The following CASP5 variants were observed in gnomAD, a reference collection of about 807,000 sequenced individuals.
CASP5 encodes caspase-5.
A neutral mutation model predicts 45.2 loss-of-function variants in CASP5; 42 were observed. The ratio of observed to expected loss-of-function variants is 0.93; its 90% confidence interval spans 0.73 to 1.20. CASP5 has a LOEUF of 1.20. Among genes scored for constraint, CASP5 ranks in the 50% most tolerant of loss-of-function variants. The pLI is 0.00. For missense variants in CASP5, 512 were observed against 532.2 expected (o/e 0.96, Z 0.37); for synonymous variants, 209 against 186.2 (o/e 1.12, Z -1.00).
intron 1 of CASP5, among the ~76,000 whole-genome samples, chr11:105,018,610 C>CTG (rs1862764825): frequency 1.4e-5 from 2 of 142,400 alleles, no homozygotes; most frequent in Non-Finnish European, 3.1e-5. Flanking sequence ...GCTAACTATC[C>CTG]TAAATATATA....
At chr11:104,997,891 T>A (rs1240458616) in intron 7 of CASP5, among the ~76,000 whole-genome samples, 1 of 152,172 alleles carries the variant, frequency 6.6e-6, no homozygotes, top group African/African-American at 2.4e-5. Context: ...ACCGTCGGGC[T>A]CCAAGATTGT....
intron 1 of CASP5, among the ~76,000 whole-genome samples, chr11:105,014,452 G>A (rs1036469121): frequency 3.3e-5 from 5 of 152,082 alleles, no homozygotes; most frequent in African/African-American, 9.7e-5. Context: ...TAGATTTTAT[G>A]CTCTGTGAGG....
intron 7 of CASP5, among the ~76,000 whole-genome samples, chr11:104,998,526 G>T (rs890997053): frequency 1.3e-5 from 2 of 152,060 alleles, no homozygotes; most frequent in African/African-American, 4.8e-5. Context: ...AGCCAGTACT[G>T]GGATCCATAA....
At position 105,023,118 on chromosome 11, in the gene CASP5, G is replaced by C. The variant is rs1041324951; in HGVS notation, c.7+12C>G. On this transcript the variant is annotated intron_variant, in intron 1 of 9. Coordinates refer to ENST00000260315, the MANE Select transcript of CASP5 (RefSeq NM_004347.5). The stretch of plus-strand genomic sequence containing the variant: ...GTACCCAGCTGCTAGTCAGAAAAGG[G>C]CCCAGACTCACCAGCCATAGCTAAC... 6.4e-7 allele frequency: 1 copy of C among 1,550,700 alleles called. No homozygotes were observed. Among genetic ancestry groups the C allele is most frequent in the African/African-American group, 1.4e-5 (1 of 72,966 alleles).
Position 105,019,698 on chromosome 11 carries a change from T to C in CASP5, c.7+3432A>G, listed in dbSNP as rs1011991294. On this transcript the variant is annotated intron_variant, in intron 1 of 9. Coordinates refer to ENST00000260315, the MANE Select transcript of CASP5 (RefSeq NM_004347.5). ...CAACTAAAAAGAGTCCAGGACCAGA[T>C]GGATTCACAGCCGAATTCTACCAGA... Among the ~76,000 whole-genome samples, 6 of 144,694 alleles carry C rather than the reference T, an allele frequency of 4.1e-5. 2 individuals carry two copies. The highest frequency in any genetic ancestry group is 1.5e-4 in the Admixed American group (2 of 13,554). 94.9% of individuals were successfully genotyped at this position (144,694 alleles called of 152,430 possible). A position where few individuals can be genotyped will look rare whatever the true frequency, so the allele number is the denominator to read the frequency against.
At chr11:105,008,563 C>T (rs913066593) in intron 2 of CASP5, among the ~76,000 whole-genome samples, 1 of 151,980 alleles carries the variant, frequency 6.6e-6, no homozygotes. Context: ...TACTACAAGC[C>T]TCTACTATTA....
intron 1 of CASP5, among the ~76,000 whole-genome samples, chr11:105,016,755 G>A (rs1463815140): frequency 6.6e-6 from 1 of 152,130 alleles, no homozygotes; most frequent in Non-Finnish European, 1.5e-5. Flanking sequence ...GCCCAGGCTT[G>A]CTTAGGTAAA....
chr11:105,005,737 T>C (rs1403083659), intron 3 of CASP5, among the ~76,000 whole-genome samples: 1 of 152,202 alleles, frequency 6.6e-6, no homozygotes, highest in Non-Finnish European at 1.5e-5. Flanking sequence ...ATATATGATA[T>C]CTGGGATTGC....
intron 1 of CASP5, among the ~76,000 whole-genome samples, chr11:105,009,437 GT>G (rs1033192933): frequency 6.6e-6 from 1 of 151,430 alleles, no homozygotes; most frequent in African/African-American, 2.4e-5. Flanking sequence ...TTGAATTTGT[GT>G]TTTTTAACAC....
rs745571593 is a variant in CASP5 at position 105,007,158 on chromosome 11, G to T, written c.358C>A (p.Arg120=). The change falls in exon 3 of 10, where the codon CGA becomes AGA. Residue 120 remains arginine, a synonymous_variant. Coordinates refer to ENST00000260315, the MANE Select transcript of CASP5 (RefSeq NM_004347.5). Reference sequence around the variant, plus strand: ...ATTTGATGAGCCACGCGATTCTTTCGCAAAGAGTCTACCAAGATCAGGGCC... The same window carrying T: ...ATTTGATGAGCCACGCGATTCTTTCTCAAAGAGTCTACCAAGATCAGGGCC... ...DKALILVDSL[R]KNRVAHQMFT... The T allele has an allele frequency of 1.9e-6, 3 of 1,613,476 alleles. No homozygotes were observed. The highest frequency in any genetic ancestry group is 1.7e-5 in the Admixed American group (1 of 59,972).
At chr11:105,000,151 T>C in intron 6 of CASP5, 110 bp downstream of exon 6, 2 of 1,136,180 alleles carry the variant, frequency 1.8e-6, no homozygotes, top group South Asian at 2.7e-5. Context: ...TTCAATGTAC[T>C]TTATTTGCAC....
intron 3 of CASP5, 40 bp downstream of exon 3, chr11:105,007,043 G>T (rs748822599): frequency 1.3e-6 from 2 of 1,557,718 alleles, no homozygotes; most frequent in South Asian, 1.2e-5. Context: ...AATATATTCT[G>T]GAAAATTTAA....
chr11:105,020,826 AC>A (rs1215603775), intron 1 of CASP5, among the ~76,000 whole-genome samples: 6 of 152,094 alleles, frequency 3.9e-5, no homozygotes, highest in Admixed American at 3.3e-4. Flanking sequence ...TTCATATGGA[AC>A]CAAAAAAGAG....
In CASP5 at chr11:104,995,824, C is replaced by A. The variant is rs781292126; in HGVS notation, c.1225G>T (p.Val409Phe). 1 of 1,611,078 alleles carries A rather than the reference C, an allele frequency of 6.2e-7. No individual in the cohort carries two copies. Among genetic ancestry groups the A allele is most frequent in the South Asian group, 1.1e-5 (1 of 90,868 alleles). The change falls in exon 9 of 10, where the codon GTT (valine) becomes TTT (phenylalanine). Residue 409 changes from valine (V) to phenylalanine (F), a missense_variant. By Grantham distance (50) the Val-to-Phe change is conservative (BLOSUM62 -1). Coordinates refer to ENST00000260315, the MANE Select transcript of CASP5 (RefSeq NM_004347.5). Reference protein sequence around the residue: ...IFRKVQKSFEVPQAKAQMPTI... With the variant: ...IFRKVQKSFEFPQAKAQMPTI... ...GGCATCTGGGCTTTAGCCTGTGGAA[C>A]TTCAAATGATTTCTGTACCTAAAAG...
At chr11:105,006,124 T>C (rs1861989095) in intron 3 of CASP5, among the ~76,000 whole-genome samples, 1 of 152,194 alleles carries the variant, frequency 6.6e-6, no homozygotes, top group South Asian at 2.1e-4. Context: ...CTGGAAAACA[T>C]GGATCTGAGA....
chr11:105,009,098 T>G, intron 1 of CASP5, 118 bp from the exon 2 acceptor site: 1 of 826,390 alleles, frequency 1.2e-6, no homozygotes, highest in South Asian at 1.7e-5. Flanking sequence ...TCTTACCATG[T>G]CTTCAACAAA....
At chr11:104,994,656 T>C (rs921693362) in intron 9 of CASP5, among the ~76,000 whole-genome samples, 3 of 152,234 alleles carry the variant, frequency 2.0e-5, no homozygotes, top group African/African-American at 4.8e-5. Context: ...CTGTTTCTCC[T>C]AATTTGTCTC....
chr11:105,002,179 T>C lies in CASP5; in HGVS notation c.566A>G (p.Glu189Gly), dbSNP rs1379340117. ...HDEIYPIKKREDRRRLALIIC... is the reference protein window; with the variant it reads ...HDEIYPIKKRGDRRRLALIIC... ...GATGAGAGCCAGGCGTCTGCGGTCC[T>C]CTCTCTTTTTTATTGGATAGATCTG... Residue 189 changes from glutamate to glycine, a missense_variant, in exon 5 of 10, where the codon GAG becomes GGG. Glu to Gly is a moderately conservative substitution (Grantham distance 98). Transcript: ENST00000260315. 3 of 1,613,956 alleles carry C rather than the reference T, an allele frequency of 1.9e-6. No homozygotes were observed. Among genetic ancestry groups the C allele is most frequent in the Non-Finnish European group, 2.5e-6 (3 of 1,179,962 alleles).
In CASP5 at chr11:104,999,015, T is replaced by C; in HGVS notation, c.966A>G (p.Glu322=). 5 of 1,596,148 alleles carry C rather than the reference T, an allele frequency of 3.1e-6. No individual in the cohort carries two copies. The highest frequency in any genetic ancestry group is 4.3e-6 in the Non-Finnish European group (5 of 1,174,726). The change falls in exon 7 of 10, where the codon GAA becomes GAG. Residue 322 remains glutamate, a synonymous_variant. Transcript: ENST00000260315. ...VQACRGEKHG[E]LWVRDSPASL... ...ATGCTGGAGAGTCTCTGACCCAGAG[T>C]TCCCCATGTTTTTCTGTAGAGACAT...
Sources: gnomAD v4.1 joint callset for allele counts (sites outside exome capture counted in the v4.1 genomes callset) on GRCh38, gnomAD v4.1.1 for gene constraint, MANE v1.5 for transcripts, NCBI Gene and HGNC (gene_info 2026-07-23, HGNC 2026-07-21) for gene names.